The following STARD13 variants were observed in gnomAD, a reference collection of about 807,000 sequenced individuals.
STARD13 encodes StAR related lipid transfer domain containing 13.
In STARD13, 62 loss-of-function variants were observed where a neutral mutation model predicts 106.4. The ratio of observed to expected loss-of-function variants is 0.58; its 90% CI spans 0.48 to 0.72. The LOEUF (loss-of-function observed/expected upper bound fraction) is 0.72, where lower values mean the gene tolerates loss of function less well. Ranked by LOEUF, STARD13 falls within the 30% of genes least tolerant of loss-of-function variation. The probability of loss-of-function intolerance (pLI) is 0.00; values close to 1 mark genes in which losing one functional copy is unlikely to be tolerated. For synonymous variants in STARD13, 565 were observed against 553.0 expected (o/e 1.02, Z -0.31); for missense variants, 1,387 against 1,424.0 (o/e 0.97, Z 0.42).
intron 4 of STARD13, among the ~76,000 whole-genome samples, chr13:33,141,320 G>A (rs1593949048): frequency 1.3e-5 from 2 of 152,332 alleles, no homozygotes; most frequent in South Asian, 4.1e-4. Flanking sequence ...GACCTAGCCT[G>A]TTCAAGATTT....
intron 1 of STARD13, chr13:33,185,849 C>T: frequency 6.2e-7 from 1 of 1,611,684 alleles, no homozygotes; most frequent in Non-Finnish European, 8.5e-7. Flanking sequence ...ATCCTTTGTA[C>T]CCACATGCCC....
At chr13:33,380,485 C>A in the STARD13 span, among the ~76,000 whole-genome samples, 5 of 134,266 alleles carry the variant, frequency 3.7e-5, no homozygotes, top group East Asian at 7.0e-4. Flanking sequence ...CCCACCCCCC[C>A]CACACACAAA....
At chr13:33,263,934 A>G (rs1890768571) in intron 1 of STARD13, among the ~76,000 whole-genome samples, 1 of 152,206 alleles carries the variant, frequency 6.6e-6, no homozygotes, top group Non-Finnish European at 1.5e-5. Flanking sequence ...TATGTTGACT[A>G]ATAGAATACA....
At chr13:33,669,767 C>T in the STARD13 span, among the ~76,000 whole-genome samples, 1 of 151,936 alleles carries the variant, frequency 6.6e-6, no homozygotes, top group Admixed American at 6.6e-5. Flanking sequence ...AACTCCTGAC[C>T]TCGTGATCCA....
At chr13:33,425,264 G>A in the STARD13 span, among the ~76,000 whole-genome samples, 2 of 152,164 alleles carry the variant, frequency 1.3e-5, no homozygotes, top group African/African-American at 4.8e-5. Context: ...CCACCAACAA[G>A]CATAGTGTCC....
chr13:33,150,807 C>G (rs1452856640), intron 3 of STARD13, among the ~76,000 whole-genome samples: 1 of 152,184 alleles, frequency 6.6e-6, no homozygotes, highest in Non-Finnish European at 1.5e-5. Context: ...AATACGCTAG[C>G]AAATGTGAAA....
At chr13:33,255,213 A>G (rs1890299198) in intron 1 of STARD13, among the ~76,000 whole-genome samples, 3 of 152,094 alleles carry the variant, frequency 2.0e-5, no homozygotes, top group Admixed American at 2.0e-4. Context: ...TGAATACAAC[A>G]AAGTTGAAAG....
the STARD13 span, among the ~76,000 whole-genome samples, chr13:33,383,261 A>G: frequency 6.6e-6 from 1 of 152,180 alleles, no homozygotes. Context: ...GGCTGGCCAC[A>G]GTGGCTCATG....
At chr13:33,146,141 A>G (rs1880507868) in intron 3 of STARD13, among the ~76,000 whole-genome samples, 1 of 152,238 alleles carries the variant, frequency 6.6e-6, no homozygotes, top group South Asian at 2.1e-4. Context: ...CCTGACCAAC[A>G]TGGTAAAACC....
the STARD13 span, among the ~76,000 whole-genome samples, chr13:33,381,008 C>T: frequency 2.0e-5 from 3 of 152,230 alleles, no homozygotes; most frequent in Admixed American, 6.5e-5. Flanking sequence ...GAGGTAGGAA[C>T]AAATTCTAGA....
At chr13:33,594,016 C>T in the STARD13 span, among the ~76,000 whole-genome samples, 2 of 152,176 alleles carry the variant, frequency 1.3e-5, no homozygotes. Context: ...ACGCCGTTCT[C>T]CTGCCTCAGC....
chr13:33,472,992 G>A, the STARD13 span, among the ~76,000 whole-genome samples: 2 of 152,180 alleles, frequency 1.3e-5, no homozygotes, highest in African/African-American at 2.4e-5. Context: ...TCTATCAGGA[G>A]TAATGCCTCA....
In STARD13 at chr13:33,334,661, T is replaced by C. The variant is rs560238817; in HGVS notation, c.124+15629A>G. 4.1e-4 allele frequency among the ~76,000 whole-genome samples: 63 copies of C among 152,208 alleles called. 1 individual carries two copies. The highest frequency in any genetic ancestry group is 3.7e-3 in the South Asian group (18 of 4,810). ...CCATGAAGGGCTTGAGCCAGCTCTTTAAAAGTGGGCAGGATCTAGGTAGGC... is the reference window on the plus strand; with the variant it reads ...CCATGAAGGGCTTGAGCCAGCTCTTCAAAAGTGGGCAGGATCTAGGTAGGC... On this transcript the variant is annotated intron_variant, in intron 1 of 5. Transcript: ENST00000567873.
chr13:33,180,154 A>C (rs758735474), intron 1 of STARD13, among the ~76,000 whole-genome samples: 1 of 152,256 alleles, frequency 6.6e-6, no homozygotes, highest in Non-Finnish European at 1.5e-5. Context: ...GCTCTTTAAC[A>C]AGATGTAATG....
the STARD13 span, among the ~76,000 whole-genome samples, chr13:33,523,944 G>C: frequency 2.6e-3 from 397 of 152,216 alleles, 2 homozygotes; most frequent in Non-Finnish European, 4.1e-3. Flanking sequence ...AAAATGAAGA[G>C]ATGAATTGAA....
intron 1 of STARD13, among the ~76,000 whole-genome samples, chr13:33,251,611 G>A (rs1373942519): frequency 6.6e-6 from 1 of 152,210 alleles, no homozygotes; most frequent in Non-Finnish European, 1.5e-5. Flanking sequence ...GAGGCTGGTA[G>A]ACTCTTAGTA....
chr13:33,401,606 C>T, the STARD13 span, among the ~76,000 whole-genome samples: 2 of 152,298 alleles, frequency 1.3e-5, no homozygotes, highest in East Asian at 1.9e-4. Context: ...CCCAACTTTC[C>T]TTCTTGTCTC....
At chr13:33,605,267 A>G in the STARD13 span, among the ~76,000 whole-genome samples, 1 of 150,956 alleles carries the variant, frequency 6.6e-6, no homozygotes, top group Non-Finnish European at 1.5e-5. Context: ...GAAGAAAAAG[A>G]TAAATTTTAT....
chr13:33,670,635 C>T, the STARD13 span, among the ~76,000 whole-genome samples: 12 of 152,214 alleles, frequency 7.9e-5, no homozygotes, highest in Non-Finnish European at 1.0e-4. Context: ...TTCCTTTTGG[C>T]GTTATATTCA....
Sources: gnomAD v4.1 joint callset for allele counts (sites outside exome capture counted in the v4.1 genomes callset) on GRCh38, gnomAD v4.1.1 for gene constraint, MANE v1.5 for transcripts, NCBI Gene and HGNC (gene_info 2026-07-23, HGNC 2026-07-21) for gene names.